The following YJU2 variants were observed in gnomAD, a reference collection of about 807,000 sequenced individuals.
The protein encoded by YJU2 is splicing factor YJU2.
In YJU2, 28 loss-of-function variants were observed where a neutral mutation model predicts 39.6. The observed-to-expected ratio is 0.71, with a 90% confidence interval of 0.52 to 0.97. The LOEUF is 0.97. YJU2 is among the 50% of genes least tolerant of loss of function. YJU2 has a pLI of 0.00. For missense variants in YJU2, 328 were observed against 430.4 expected (o/e 0.76, Z 2.11); for synonymous variants, 184 against 182.4 (o/e 1.01, Z -0.07).
chr19:4,253,198 T>C (rs1239638056), intron 3 of YJU2, among the ~76,000 whole-genome samples: 1 of 139,076 alleles, frequency 7.2e-6, no homozygotes, highest in Non-Finnish European at 1.5e-5. Flanking sequence ...TGTCCGTGTC[T>C]ACACACACAC....
chr19:4,263,919 G>A (rs376801405), intron 6 of YJU2, among the ~76,000 whole-genome samples: 8 of 151,650 alleles, frequency 5.3e-5, no homozygotes, highest in South Asian at 2.1e-4. Context: ...GTTCATTGAA[G>A]AAGGTGGTAA....
intron 3 of YJU2, among the ~76,000 whole-genome samples, chr19:4,253,247 TAAAAA>T (rs1413854622): frequency 7.2e-6 from 1 of 139,112 alleles, no homozygotes; most frequent in African/African-American, 2.9e-5. Context: ...AAATTTTAAT[TAAAAA>T]AAGAAACTAA....
At chr19:4,258,056 C>A (rs887402401) in intron 4 of YJU2, among the ~76,000 whole-genome samples, 186 bp from the exon 5 acceptor site, 3 of 152,232 alleles carry the variant, frequency 2.0e-5, no homozygotes, top group Non-Finnish European at 2.9e-5. Flanking sequence ...TTTCCCTCCC[C>A]AGACCTGAGT....
At position 4,247,639 on chromosome 19, in the gene YJU2, GTGT is replaced by G. The variant is rs1970938919; in HGVS notation, c.24+470_24+472del. ...TGTGTGTGTGTGTGTGTGTGTGTGT[GTGT>G]GTGTGTGTGTGTGTGTGTGTGTGTG... On this transcript the variant is annotated intron_variant, in intron 1 of 7. Coordinates refer to ENST00000262962, the MANE Select transcript of YJU2 (RefSeq NM_018074.6). Among the ~76,000 whole-genome samples the G allele has an allele frequency of 1.6e-4, 11 of 66,692 alleles. 2 individuals carry two copies. The highest frequency in any genetic ancestry group is 5.6e-4 in the East Asian group (1 of 1,786). The allele number at this position is 66,692 out of a possible 152,430, so 43.8% of individuals were successfully genotyped here.
intron 5 of YJU2, among the ~76,000 whole-genome samples, chr19:4,259,913 C>G (rs1470473082): frequency 6.6e-6 from 1 of 152,172 alleles, no homozygotes; most frequent in Admixed American, 6.6e-5. Flanking sequence ...CTGCGTTCAT[C>G]CTGCACCTTC....
intron 4 of YJU2, among the ~76,000 whole-genome samples, chr19:4,257,414 TC>T (rs749407849): frequency 8.5e-5 from 13 of 152,298 alleles, no homozygotes; most frequent in Non-Finnish European, 1.8e-4. Context: ...TGCCTCAGCC[TC>T]CCAAGTAGCT....
At chr19:4,247,698 TTTTG>T (rs1970942077) in intron 1 of YJU2, among the ~76,000 whole-genome samples, 1 of 141,836 alleles carries the variant, frequency 7.1e-6, no homozygotes, top group African/African-American at 2.6e-5. Context: ...TGTGTGTGTG[TTTTG>T]TTTTTTTTAC....
At chr19:4,267,288 G>A (rs1971123142) in intron 6 of YJU2, among the ~76,000 whole-genome samples, 1 of 152,114 alleles carries the variant, frequency 6.6e-6, no homozygotes, top group South Asian at 2.1e-4. Flanking sequence ...TCTTGTGTTG[G>A]GTATTGAAGG....
At chr19:4,259,956 C>T (rs368744813) in intron 5 of YJU2, among the ~76,000 whole-genome samples, 1 of 152,098 alleles carries the variant, frequency 6.6e-6, no homozygotes, top group Non-Finnish European at 1.5e-5. Flanking sequence ...CCTCACTACC[C>T]ACACAGCCCT....
intron 4 of YJU2, among the ~76,000 whole-genome samples, chr19:4,257,520 T>C (rs1370391544): frequency 6.6e-6 from 1 of 151,914 alleles, no homozygotes; most frequent in Non-Finnish European, 1.5e-5. Flanking sequence ...GTCACCCAGG[T>C]TGGAGTCCAG....
At position 4,265,628 on chromosome 19, in the gene YJU2, G is replaced by T. The variant is rs553689014; in HGVS notation, c.709-1996G>T. Among the ~76,000 whole-genome samples the T allele has an allele frequency of 1.2e-4, 17 of 146,254 alleles. No homozygotes were observed. In the South Asian group the frequency reaches 3.5e-3, roughly 30 times the overall value. Reference sequence around the variant, plus strand: ...TTTTTTGAGACGGTCTTGTTCTTTCGCCCAGGCTGGAGTGCAGTGGCACGG... The same window carrying T: ...TTTTTTGAGACGGTCTTGTTCTTTCTCCCAGGCTGGAGTGCAGTGGCACGG... On this transcript the variant is annotated intron_variant, in intron 6 of 7. Transcript: ENST00000262962.
chr19:4,263,272 C>T (rs1395798694), intron 6 of YJU2, among the ~76,000 whole-genome samples: 3 of 152,156 alleles, frequency 2.0e-5, no homozygotes, highest in East Asian at 3.9e-4. Context: ...TTCAGGGACT[C>T]AGCCTCCTTC....
At chr19:4,264,734 G>A (rs1353051178) in intron 6 of YJU2, among the ~76,000 whole-genome samples, 1 of 152,028 alleles carries the variant, frequency 6.6e-6, no homozygotes, top group African/African-American at 2.4e-5. Flanking sequence ...TGATTCACCT[G>A]ACTCGGCCGC....
chr19:4,247,695 G>T (rs1451177832), intron 1 of YJU2, among the ~76,000 whole-genome samples: 7 of 139,804 alleles, frequency 5.0e-5, no homozygotes, highest in African/African-American at 1.8e-4. Context: ...GTGTGTGTGT[G>T]TGTTTTGTTT....
intron 3 of YJU2, among the ~76,000 whole-genome samples, chr19:4,253,198 TACACACACACACACACAC>T (rs58339658): frequency 1.4e-5 from 2 of 139,160 alleles, no homozygotes; most frequent in Non-Finnish European, 3.1e-5. Context: ...TGTCCGTGTC[TACACACACACACACACAC>T]ACACACACAC....
chr19:4,251,276 C>T, intron 3 of YJU2, 105 bp downstream of exon 3: 1 of 1,120,846 alleles, frequency 8.9e-7, no homozygotes, highest in Non-Finnish European at 1.3e-6. Context: ...CAGGGAATCT[C>T]ATTTCAGTTT....
intron 5 of YJU2, among the ~76,000 whole-genome samples, chr19:4,260,552 G>T (rs1971062782): frequency 6.6e-6 from 1 of 151,026 alleles, no homozygotes; most frequent in Admixed American, 6.6e-5. Flanking sequence ...GCCTGGCCAA[G>T]ATGGTGAAAC....
intron 1 of YJU2, among the ~76,000 whole-genome samples, chr19:4,247,610 T>C (rs1201451285): frequency 0.013 from 127 of 10,002 alleles, 11 homozygotes; most frequent in East Asian, 0.034. Flanking sequence ...TGTGTGTGTG[T>C]GTGTGTGTGT....
chr19:4,258,448 G>T (rs1264558829), intron 5 of YJU2, 25 bp downstream of exon 5: 2 of 1,557,670 alleles, frequency 1.3e-6, no homozygotes, highest in East Asian at 2.3e-5. Flanking sequence ...GCCCAACCCA[G>T]CCCCACCTCG....
Sources: gnomAD v4.1 joint callset for allele counts (sites outside exome capture counted in the v4.1 genomes callset) on GRCh38, gnomAD v4.1.1 for gene constraint, MANE v1.5 for transcripts, NCBI Gene and HGNC (gene_info 2026-07-23, HGNC 2026-07-21) for gene names.